VCAN: variants seen among roughly 807,000 people sequenced by gnomAD.
VCAN encodes versican core protein.
In VCAN, 44 loss-of-function variants were observed where a neutral mutation model predicts 245.5. The ratio of observed to expected loss-of-function variants is 0.18; its 90% CI spans 0.14 to 0.23. The LOEUF is 0.23. Among genes scored for constraint, VCAN ranks in the 10% least tolerant of loss-of-function variants. The pLI is 1.00. For synonymous variants in VCAN, 1,413 were observed against 1,437.0 expected, an observed-to-expected ratio of 0.98 and a Z score of 0.38; for missense variants, 3,793 against 4,057.9, an observed-to-expected ratio of 0.93 and a Z score of 1.77.
At chr5:83,530,266 A>G (rs1455805071) in intron 7 of VCAN, among the ~76,000 whole-genome samples, 1 of 152,076 alleles carries the variant, frequency 6.6e-6, no homozygotes, top group Non-Finnish European at 1.5e-5. Flanking sequence ...TTCTTGATAC[A>G]TTTCCCCAGG....
chr5:83,521,927 T>C lies in VCAN; in HGVS notation c.3621T>C (p.Ile1207=). The C allele has an allele frequency of 1.2e-6, 2 of 1,614,186 alleles. No individual in the cohort carries two copies. The highest frequency in any genetic ancestry group is 1.7e-6 in the Non-Finnish European group (2 of 1,180,030). Residue 1207 remains isoleucine (I), a synonymous_variant, in exon 7 of 15, where the codon ATT becomes ATC. Coordinates refer to ENST00000265077, the MANE Select transcript of VCAN (RefSeq NM_004385.5). ...TCAAAGTCACAGTTCCAAGTGATAT[T>C]ACCACTGCCTTCAGTTCAGTAGACA... The part of the protein sequence containing the change: ...STIKVTVPSD[I]TTAFSSVDRL...
At chr5:83,557,385 T>C (rs557015360) in intron 12 of VCAN, among the ~76,000 whole-genome samples, 1 of 152,282 alleles carries the variant, frequency 6.6e-6, no homozygotes, top group South Asian at 2.1e-4. Flanking sequence ...TCTCGTGGTG[T>C]CTGAAATAAA....
intron 7 of VCAN, among the ~76,000 whole-genome samples, chr5:83,528,578 G>C (rs1283882044): frequency 6.6e-6 from 1 of 152,082 alleles, no homozygotes; most frequent in Non-Finnish European, 1.5e-5. Flanking sequence ...ACTTTTCTGA[G>C]CTTCAGTGAT....
intron 5 of VCAN, among the ~76,000 whole-genome samples, chr5:83,509,283 G>A (rs1204340986): frequency 6.6e-6 from 1 of 152,194 alleles, no homozygotes; most frequent in African/African-American, 2.4e-5. Flanking sequence ...TACATGAAAA[G>A]TTCTATAAGT....
chr5:83,506,322 C>T (rs1745482781), intron 5 of VCAN, among the ~76,000 whole-genome samples: 1 of 152,202 alleles, frequency 6.6e-6, no homozygotes, highest in Non-Finnish European at 1.5e-5. Context: ...CAAGTCACCT[C>T]TTGAATGCTT....
In VCAN at chr5:83,540,868, T is replaced by C. The variant is rs777296752; in HGVS notation, c.7865T>C (p.Ile2622Thr). 5.6e-6 allele frequency: 9 copies of C among 1,613,838 alleles called. No individual in the cohort carries two copies. The highest frequency in any genetic ancestry group is 7.6e-6 in the Non-Finnish European group (9 of 1,179,924). The change falls in exon 8 of 15, where the codon ATC becomes ACC. Residue 2622 changes from isoleucine (I) to threonine (T), a missense_variant. This residue lies in a region of VCAN where 3,182 missense variants were observed against 3,250.3 expected (regional missense o/e 0.98). Transcript: ENST00000265077. Reference protein sequence around the residue: ...SNDDSTQVQEIYEAAVNLSLT... With the variant: ...SNDDSTQVQETYEAAVNLSLT... ...GATGACAGCACTCAAGTTCAAGAGA[T>C]CTATGAGGCAGCTGTCAACCTTTCT...
chr5:83,532,715 A>T (rs1412911525), intron 7 of VCAN, among the ~76,000 whole-genome samples: 1 of 152,102 alleles, frequency 6.6e-6, no homozygotes, highest in Non-Finnish European at 1.5e-5. Flanking sequence ...ACCTGTCTAA[A>T]AAAAAATTCA....
chr5:83,495,082 T>C (rs180682722), intron 5 of VCAN, among the ~76,000 whole-genome samples: 102 of 152,370 alleles, frequency 6.7e-4, no homozygotes, highest in South Asian at 1.2e-3. Context: ...ATTAGAATCC[T>C]AAAGTATAGA....
At chr5:83,474,107 C>A (rs940083486) in intron 1 of VCAN, among the ~76,000 whole-genome samples, 1 of 152,108 alleles carries the variant, frequency 6.6e-6, no homozygotes, top group South Asian at 2.1e-4. Flanking sequence ...TTGAACCCAA[C>A]GCTAGGGCCC....
rs1467036553 is a variant in VCAN at position 83,490,369 on chromosome 5, C to T, written c.342C>T (p.Ser114=). Residue 114 remains serine (S), a synonymous_variant, in exon 3 of 15, where the codon TCC becomes TCT. Transcript: ENST00000265077. The part of the protein sequence containing the change: ...PTHPEAVGDA[S]LTVVKLLASD... ...ATCCCGAGGCTGTGGGCGATGCCTC[C>T]CTCACTGTGGTCAAGCTGCTGGCAA... is the stretch of plus-strand genomic sequence containing the variant. 1.2e-6 allele frequency: 2 copies of T among 1,614,170 alleles called. No homozygotes were observed. Among genetic ancestry groups the T allele is most frequent in the Non-Finnish European group, 1.7e-6 (2 of 1,180,042 alleles).
At chr5:83,555,229 A>C (rs541189459) in intron 12 of VCAN, among the ~76,000 whole-genome samples, 191 bp downstream of exon 12, 1 of 152,288 alleles carries the variant, frequency 6.6e-6, no homozygotes, top group African/African-American at 2.4e-5. Flanking sequence ...TCTCTTCAAT[A>C]GTTGTGGTTC....
At chr5:83,473,193 G>A (rs555939787) in intron 1 of VCAN, among the ~76,000 whole-genome samples, 217 of 152,306 alleles carry the variant, frequency 1.4e-3, no homozygotes, top group Admixed American at 2.6e-3. Context: ...TCCCTGGTGC[G>A]TGCAGACCTA....
At position 83,520,838 on chromosome 5, in the gene VCAN, A is replaced by G; in HGVS notation, c.2532A>G (p.Pro844=). The part of the protein sequence containing the change: ...VGMNGKDKDI[P]SFTEDGADEF... ...TGAATGGAAAGGATAAAGACATCCC[A>G]AGTTTCACTGAAGATGGAGCAGATG... The change falls in exon 7 of 15, where the codon CCA becomes CCG. Residue 844 remains proline (P), a synonymous_variant. Coordinates refer to ENST00000265077, the MANE Select transcript of VCAN (RefSeq NM_004385.5). 1 of 1,614,174 alleles carries G rather than the reference A, an allele frequency of 6.2e-7. No individual in the cohort carries two copies. The highest frequency in any genetic ancestry group is 8.5e-7 in the Non-Finnish European group (1 of 1,180,006).
intron 13 of VCAN, among the ~76,000 whole-genome samples, chr5:83,572,904 A>T (rs1748343907): frequency 7.0e-6 from 1 of 142,344 alleles, no homozygotes. Context: ...TTTATTTATT[A>T]TTATTATTGT....
chr5:83,539,570 C>T lies in VCAN; in HGVS notation c.6567C>T (p.Gly2189=), dbSNP rs1372864138. The T allele has an allele frequency of 6.2e-7, 1 of 1,614,070 alleles. No individual in the cohort carries two copies. Among genetic ancestry groups the T allele is most frequent in the Admixed American group, 1.7e-5 (1 of 59,998 alleles). Residue 2189 remains glycine (G), a synonymous_variant, in exon 8 of 15, where the codon GGC becomes GGT. Coordinates refer to ENST00000265077, the MANE Select transcript of VCAN (RefSeq NM_004385.5). ...CTACTCCAGATCCAGATGCAAATGG[C>T]TTGGAATCTTACACAACTCTCCCTG... ...NMSTPDPDAN[G]LESYTTLPEA...
At chr5:83,549,118 A>G (rs1254516237) in intron 10 of VCAN, among the ~76,000 whole-genome samples, 1 of 152,220 alleles carries the variant, frequency 6.6e-6, no homozygotes, top group African/African-American at 2.4e-5. Flanking sequence ...TTTGTTGAAG[A>G]AAACAAAAGC....
intron 2 of VCAN, among the ~76,000 whole-genome samples, chr5:83,485,353 G>A (rs935680457): frequency 4.0e-5 from 6 of 151,032 alleles, no homozygotes; most frequent in Non-Finnish European, 4.4e-5. Context: ...GTGGTGAGCC[G>A]GGATTGCATC....
chr5:83,481,638 T>C (rs1251561731), intron 1 of VCAN, among the ~76,000 whole-genome samples: 1 of 152,174 alleles, frequency 6.6e-6, no homozygotes. Flanking sequence ...TAATTTAGGA[T>C]TATCAACCAT....
chr5:83,496,450 T>G (rs1397617650), intron 5 of VCAN, among the ~76,000 whole-genome samples: 2 of 152,242 alleles, frequency 1.3e-5, no homozygotes, highest in Admixed American at 1.3e-4. Context: ...AATTTTCATC[T>G]TTTTGTTTTA....
Sources: allele counts gnomAD v4.1 joint callset (sites outside exome capture counted in the v4.1 genomes callset), GRCh38; gene constraint gnomAD v4.1.1; regional missense constraint gnomAD v4.1.1; transcripts MANE v1.5; gene names NCBI Gene and HGNC (gene_info 2026-07-23, HGNC 2026-07-21).